AMBRA1: variants seen among roughly 807,000 people sequenced by gnomAD.
AMBRA1 encodes the protein activating molecule in BECN1-regulated autophagy protein 1.
A neutral mutation model predicts 125.4 loss-of-function variants in AMBRA1; 47 were observed. That is an observed-to-expected ratio of 0.37 (90% CI 0.30 to 0.48). AMBRA1 has a LOEUF of 0.48. Ranked by LOEUF, AMBRA1 falls within the 20% of genes least tolerant of loss-of-function variation. The probability of loss-of-function intolerance (pLI) is 0.99; values close to 1 mark genes in which losing one functional copy is unlikely to be tolerated. For synonymous variants in AMBRA1, 626 were observed against 655.5 expected, an observed-to-expected ratio of 0.95 and a Z score of 0.69; for missense variants, 1,331 against 1,693.4, an observed-to-expected ratio of 0.79 and a Z score of 3.76.
At chr11:46,576,007 G>A (rs1200537466) in intron 1 of AMBRA1, among the ~76,000 whole-genome samples, 1 of 152,066 alleles carries the variant, frequency 6.6e-6, no homozygotes, top group Admixed American at 6.6e-5. Flanking sequence ...AGAGATTGCC[G>A]GTCCCAATCT....
At chr11:46,466,276 G>C (rs1949318535) in intron 11 of AMBRA1, among the ~76,000 whole-genome samples, 1 of 152,036 alleles carries the variant, frequency 6.6e-6, no homozygotes, top group Non-Finnish European at 1.5e-5. Flanking sequence ...GAACCCAGGA[G>C]GCGGAGGTTG....
chr11:46,530,917 T>C (rs1271522093), intron 7 of AMBRA1, among the ~76,000 whole-genome samples: 2 of 152,356 alleles, frequency 1.3e-5, no homozygotes, highest in East Asian at 3.9e-4. Flanking sequence ...GAATTCTCGC[T>C]CTGTAGCCCA....
intron 14 of AMBRA1, among the ~76,000 whole-genome samples, chr11:46,423,414 T>C (rs934927434): frequency 6.6e-6 from 1 of 152,078 alleles, no homozygotes; most frequent in Non-Finnish European, 1.5e-5. Context: ...TTTTTTGACA[T>C]GGAGTCTCGC....
intron 15 of AMBRA1, among the ~76,000 whole-genome samples, chr11:46,411,349 C>T (rs1213475123): frequency 1.3e-5 from 2 of 152,204 alleles, no homozygotes; most frequent in African/African-American, 4.8e-5. Context: ...TGGGTGTTGG[C>T]TAGGACAGAG....
chr11:46,461,962 C>T (rs1400763089), intron 11 of AMBRA1, among the ~76,000 whole-genome samples: 1 of 152,184 alleles, frequency 6.6e-6, no homozygotes, highest in Non-Finnish European at 1.5e-5. Flanking sequence ...AAGTCTCATA[C>T]TGCCCCCCAC....
intron 17 of AMBRA1, 35 bp downstream of exon 17, chr11:46,408,478 C>A: frequency 6.8e-7 from 1 of 1,479,080 alleles, no homozygotes. Context: ...CTTAGGGTCC[C>A]TCTCCCACCC....
intron 1 of AMBRA1, among the ~76,000 whole-genome samples, chr11:46,583,669 A>AC (rs2044260446): frequency 7.0e-6 from 1 of 141,976 alleles, no homozygotes; most frequent in South Asian, 2.2e-4. Context: ...AAAAAAAAAA[A>AC]AAAAAAAAAA....
chr11:46,567,938 AG>A (rs1181009229), intron 1 of AMBRA1, among the ~76,000 whole-genome samples: 1 of 151,862 alleles, frequency 6.6e-6, no homozygotes, highest in African/African-American at 2.4e-5. Context: ...ACTTGACATC[AG>A]GGGTCTGAAA....
intron 1 of AMBRA1, among the ~76,000 whole-genome samples, chr11:46,565,896 C>A (rs1200245170): frequency 6.6e-6 from 1 of 151,974 alleles, no homozygotes; most frequent in Non-Finnish European, 1.5e-5. Flanking sequence ...CCTCAGCCAC[C>A]CAAGTAGCTG....
chr11:46,471,941 C>T (rs1256398677), intron 11 of AMBRA1, among the ~76,000 whole-genome samples: 1 of 152,118 alleles, frequency 6.6e-6, no homozygotes, highest in Admixed American at 6.6e-5. Context: ...TAACTTTCTA[C>T]TTCAGGATTT....
chr11:46,569,320 G>A (rs1014059440), intron 1 of AMBRA1, among the ~76,000 whole-genome samples: 2 of 146,264 alleles, frequency 1.4e-5, no homozygotes, highest in African/African-American at 5.0e-5. Flanking sequence ...ATACAAACAT[G>A]TATGCATATA....
At chr11:46,513,091 T>C (rs1389156314) in intron 7 of AMBRA1, among the ~76,000 whole-genome samples, 8 of 152,308 alleles carry the variant, frequency 5.3e-5, no homozygotes, top group South Asian at 2.1e-4. Flanking sequence ...TTCTTTCTAT[T>C]TGCAGTACCT....
At chr11:46,410,690 G>A (rs1472830306) in intron 15 of AMBRA1, among the ~76,000 whole-genome samples, 1 of 152,234 alleles carries the variant, frequency 6.6e-6, no homozygotes, top group Non-Finnish European at 1.5e-5. Flanking sequence ...TGGGTCCTGA[G>A]TATTCTTCAG....
At chr11:46,399,539 A>G (rs1945620049) in intron 17 of AMBRA1, among the ~76,000 whole-genome samples, 1 of 151,800 alleles carries the variant, frequency 6.6e-6, no homozygotes, top group Admixed American at 6.6e-5. Flanking sequence ...AATTTTTTGT[A>G]TTTTTAGTAG....
At chr11:46,484,512 A>T (rs930232345) in intron 11 of AMBRA1, among the ~76,000 whole-genome samples, 3 of 152,240 alleles carry the variant, frequency 2.0e-5, no homozygotes, top group African/African-American at 7.2e-5. Context: ...CAGAGAACTT[A>T]AAGTACAAAT....
chr11:46,563,992 A>G (rs1463442194), intron 1 of AMBRA1, among the ~76,000 whole-genome samples: 1 of 151,912 alleles, frequency 6.6e-6, no homozygotes, highest in Non-Finnish European at 1.5e-5. Context: ...TAAAAATACA[A>G]AATTAGCCAG....
rs531269431 is a variant in AMBRA1 at position 46,429,270 on chromosome 11, C to T, written c.2976+4204G>A. The T allele has an allele frequency of 1.0e-5, 9 of 859,250 alleles. No individual in the cohort carries two copies. In the Admixed American group the frequency reaches 1.1e-4, roughly 10 times the overall value. The allele number at this position is 859,250 out of a possible 1,614,324, so 53.2% of individuals were successfully genotyped here. ...CCAGCCCCTATCGCTACTCAGAAAT[C>T]GGTGTGTGGGGAGTGGGAGAGAGGC... On this transcript the variant is annotated intron_variant, in intron 14 of 17. Transcript: ENST00000683756.
intron 1 of AMBRA1, among the ~76,000 whole-genome samples, chr11:46,562,299 GA>G (rs1365050764): frequency 1.3e-5 from 2 of 152,212 alleles, no homozygotes; most frequent in East Asian, 1.9e-4. Flanking sequence ...GTGAAGGCCG[GA>G]AATAAGGCCA....
intron 1 of AMBRA1, among the ~76,000 whole-genome samples, chr11:46,592,231 G>C (rs2044626817): frequency 6.6e-6 from 1 of 151,400 alleles, no homozygotes; most frequent in Non-Finnish European, 1.5e-5. Flanking sequence ...CACTGCGCCC[G>C]ACAGGCTGAA....
Sources: allele counts gnomAD v4.1 joint callset (sites outside exome capture counted in the v4.1 genomes callset), GRCh38; gene constraint gnomAD v4.1.1; transcripts MANE v1.5; gene names NCBI Gene and HGNC (gene_info 2026-07-23, HGNC 2026-07-21).